The following SYNPO variants were observed in gnomAD, a reference collection of about 807,000 sequenced individuals.
SYNPO encodes synaptopodin.
In SYNPO, 19 loss-of-function variants were observed where a neutral mutation model predicts 49.5. That is an observed-to-expected ratio of 0.38 (90% CI 0.27 to 0.56). The LOEUF is 0.56. Ranked by LOEUF, SYNPO falls within the 20% of genes least tolerant of loss-of-function variation. SYNPO has a pLI of 0.68. For missense variants in SYNPO, 1,131 were observed against 1,248.3 expected (o/e 0.91, Z 1.42); for synonymous variants, 536 against 548.0 (o/e 0.98, Z 0.31).
At position 150,649,448 on chromosome 5, in the gene SYNPO, G is replaced by A. The variant is rs756208253; in HGVS notation, c.1173G>A (p.Pro391=). ...TCGTGGAGAAGCCCAAGGTGACCCC[G>A]AATCCAGACTTGCTGGATCTGGTAC... The part of the protein sequence containing the change: ...FTFVEKPKVT[P]NPDLLDLVQT... Residue 391 remains proline, a synonymous_variant, in exon 2 of 3, where the codon CCG becomes CCA. Transcript: ENST00000307662. 42 of 1,614,060 alleles carry A rather than the reference G, an allele frequency of 2.6e-5. No homozygotes were observed. Among genetic ancestry groups the A allele is most frequent in the Admixed American group, 5.0e-5 (3 of 60,008 alleles).
At chr5:150,655,859 C>T (rs1758531528) in intron 2 of SYNPO, among the ~76,000 whole-genome samples, 1 of 152,210 alleles carries the variant, frequency 6.6e-6, no homozygotes, top group Non-Finnish European at 1.5e-5. Flanking sequence ...GCATGTTGGC[C>T]AGGCTGGTCT....
chr5:150,625,091 G>T (rs1757309564), intron 2 of SYNPO, among the ~76,000 whole-genome samples: 1 of 152,238 alleles, frequency 6.6e-6, no homozygotes, highest in Admixed American at 6.5e-5. Flanking sequence ...ATCTGTAGGT[G>T]GGGGGCTGGA....
At chr5:150,614,025 C>G (rs1022655940) in intron 1 of SYNPO, among the ~76,000 whole-genome samples, 4 of 152,104 alleles carry the variant, frequency 2.6e-5, no homozygotes, top group African/African-American at 9.7e-5. Context: ...CTTGGGGCCC[C>G]GAATGCCAGG....
chr5:150,599,935 G>C (rs888765217), upstream of SYNPO, among the ~76,000 whole-genome samples: 3 of 152,208 alleles, frequency 2.0e-5, no homozygotes, highest in Non-Finnish European at 4.4e-5. Context: ...TCCGGAGAAT[G>C]AATAGACATG....
upstream of SYNPO, chr5:150,640,569 T>C (rs1251627835): frequency 1.2e-6 from 1 of 861,496 alleles, no homozygotes; most frequent in Non-Finnish European, 1.4e-6. Context: ...GGGAGGAAGA[T>C]GAATCTGGCA....
chr5:150,614,237 C>T (rs1457396472), intron 1 of SYNPO, among the ~76,000 whole-genome samples: 4 of 152,206 alleles, frequency 2.6e-5, no homozygotes, highest in Non-Finnish European at 5.9e-5. Flanking sequence ...GGTCAGGCAG[C>T]CACTGGGTGA....
intron 1 of SYNPO, among the ~76,000 whole-genome samples, chr5:150,641,401 C>G (rs915835072): frequency 2.0e-5 from 3 of 152,244 alleles, no homozygotes; most frequent in Admixed American, 1.3e-4. Flanking sequence ...TGCCTTGAGC[C>G]AATCTCTATT....
the SYNPO span, among the ~76,000 whole-genome samples, chr5:150,588,814 A>C: frequency 6.6e-6 from 1 of 152,182 alleles, no homozygotes; most frequent in Non-Finnish European, 1.5e-5. Flanking sequence ...TGACATAAAA[A>C]AATTTGTATT....
rs536245213 is a variant in SYNPO, at chr5:150,635,088, G to A, written c.401-12856G>A. On this transcript the variant is annotated intron_variant, in intron 2 of 2. Coordinates refer to the SYNPO transcript ENST00000394243. The stretch of plus-strand genomic sequence containing the variant: ...TTGTCTGCTAACCCGGTTACCTGAA[G>A]ACGGGGCAGGCTGGCAGGAAGGAAA... Among the ~76,000 whole-genome samples the A allele has an allele frequency of 2.0e-5, 3 of 152,378 alleles. No homozygotes were observed. The South Asian group carries it at 6.2e-4, about 32-fold the overall frequency.
At position 150,628,574 on chromosome 5, in the gene SYNPO, A is replaced by G. The variant is rs539990696; in HGVS notation, c.400+9807A>G. Among the ~76,000 whole-genome samples, 701 of 152,354 alleles carry G rather than the reference A, an allele frequency of 4.6e-3. 2 individuals carry two copies. Among genetic ancestry groups the G allele is most frequent in the Middle Eastern group, 0.01 (3 of 294 alleles). On this transcript the variant is annotated intron_variant, in intron 2 of 2. Transcript: ENST00000394243. ...AATGAGATGATGATAAATGCTAAAA[A>G]AAAATGAGCTACCATTTAGGTATTG... is the stretch of plus-strand genomic sequence containing the variant.
intron 2 of SYNPO, among the ~76,000 whole-genome samples, chr5:150,619,360 G>A (rs145129102): frequency 1.6e-4 from 25 of 152,294 alleles, no homozygotes; most frequent in Middle Eastern, 3.4e-3. Flanking sequence ...CTAGGCCCAC[G>A]TTCCTCGCCT....
intron 2 of SYNPO, among the ~76,000 whole-genome samples, chr5:150,632,992 C>T (rs961179430): frequency 1.3e-5 from 2 of 152,134 alleles, no homozygotes; most frequent in African/African-American, 4.8e-5. Flanking sequence ...GCTCAGAGTC[C>T]CTACCCCTCG....
chr5:150,587,656 A>G, the SYNPO span, among the ~76,000 whole-genome samples: 216 of 152,336 alleles, frequency 1.4e-3, 1 homozygote, highest in African/African-American at 4.8e-3. Context: ...CATTATAATT[A>G]GAAGGGACAA....
intron 1 of SYNPO, among the ~76,000 whole-genome samples, chr5:150,607,731 C>T (rs1029383955): frequency 2.7e-5 from 4 of 149,598 alleles, no homozygotes; most frequent in Non-Finnish European, 4.4e-5. Flanking sequence ...AAACGTAATG[C>T]GAGCACAGAT....
At chr5:150,650,536 C>A in intron 2 of SYNPO, 1 of 1,471,164 alleles carries the variant, frequency 6.8e-7, no homozygotes, top group Admixed American at 2.5e-5. Context: ...TCCCCTACTA[C>A]AACAGGGGTC....
chr5:150,607,668 A>C (rs1045093511), intron 1 of SYNPO, among the ~76,000 whole-genome samples: 4 of 152,174 alleles, frequency 2.6e-5, no homozygotes, highest in Non-Finnish European at 5.9e-5. Flanking sequence ...GCAGTGCTGG[A>C]GTATGGCAGT....
chr5:150,657,397 T>G lies in SYNPO; in HGVS notation c.*310T>G. 1 of 369,362 alleles carries G rather than the reference T, an allele frequency of 2.7e-6. No homozygotes were observed. 22.9% of individuals were successfully genotyped at this position (369,362 alleles called of 1,614,324 possible). Reference sequence around the variant, plus strand: ...CCCTTCCCATCAGTACACACACCGATGCACACACACTCTCTCTTTCTCTCT... The same window carrying G: ...CCCTTCCCATCAGTACACACACCGAGGCACACACACTCTCTCTTTCTCTCT... On this transcript the variant is annotated 3_prime_UTR_variant, in exon 3 of 3. Transcript: ENST00000307662.
intron 2 of SYNPO, among the ~76,000 whole-genome samples, chr5:150,621,510 G>T (rs1204719141): frequency 6.6e-6 from 1 of 152,152 alleles, no homozygotes; most frequent in East Asian, 1.9e-4. Context: ...AGATCAGGAG[G>T]GAAGAAGGCT....
chr5:150,592,692 A>G, the SYNPO span, among the ~76,000 whole-genome samples: 1 of 152,234 alleles, frequency 6.6e-6, no homozygotes, highest in Non-Finnish European at 1.5e-5. Context: ...AGCCTGGAAG[A>G]CAGAGGCCAC....
Sources: allele counts gnomAD v4.1 joint callset (sites outside exome capture counted in the v4.1 genomes callset), GRCh38; gene constraint gnomAD v4.1.1; transcripts MANE v1.5; gene names NCBI Gene and HGNC (gene_info 2026-07-23, HGNC 2026-07-21).